Variants in PSG5 observed in about 807,000 individuals in gnomAD.
The protein encoded by PSG5 is pregnancy specific beta-1-glycoprotein 5, also known as pregnancy-specific beta-1-glycoprotein 5.
Under a neutral mutation model 37.7 loss-of-function variants are expected in PSG5, and 53 were observed. That is an observed-to-expected ratio of 1.41 (90% CI 1.13 to 1.77). The LOEUF (loss-of-function observed/expected upper bound fraction) is 1.77. PSG5 is among the 40% of genes most tolerant of loss of function. The pLI is 0.00. For missense variants in PSG5, 547 were observed against 405.2 expected, an observed-to-expected ratio of 1.35 and a Z score of -3.00; for synonymous variants, 221 against 155.4, an observed-to-expected ratio of 1.42 and a Z score of -3.14.
chr19:43,184,286 G>T (rs1969195634), intron 2 of PSG5, among the ~76,000 whole-genome samples: 2 of 151,702 alleles, frequency 1.3e-5, no homozygotes, highest in Admixed American at 6.6e-5. Context: ...TCCTCAGACA[G>T]CTGGTAAATT....
intron 2 of PSG5, chr19:43,179,224 A>G (rs11671948): frequency 0.23 from 341,277 of 1,471,310 alleles, 47,413 homozygotes; most frequent in Non-Finnish European, 0.26. Context: ...GCACTTTTCA[A>G]TCAGAGTTGG....
At chr19:43,179,881 T>C (rs1178616156) in intron 2 of PSG5, among the ~76,000 whole-genome samples, 3 of 151,764 alleles carry the variant, frequency 2.0e-5, no homozygotes, top group Admixed American at 6.6e-5. Context: ...CATTGTTCCC[T>C]GTTCTGGGTC....
At position 43,185,272 on chromosome 19, in the gene PSG5, A is replaced by C. The variant is rs138782419; in HGVS notation, c.65-125T>G. The stretch of plus-strand genomic sequence containing the variant: ...TGAAGACACACACACACACAAACAC[A>C]CACACACACAAAAGGTGCATGTTAG... On this transcript the variant is annotated intron_variant, in intron 1 of 5. Transcript: ENST00000342951. The C allele has an allele frequency of 3.7e-5, 47 of 1,272,760 alleles. 2 individuals are homozygous for C. The African/African-American group carries it at 5.7e-4, about 16-fold the overall frequency. 78.8% of individuals were successfully genotyped at this position (1,272,760 alleles called of 1,614,324 possible). A position where few individuals can be genotyped will look rare whatever the true frequency, so the allele number is the denominator to read the frequency against.
chr19:43,170,169 GA>G, intron 4 of PSG5, 31 bp from the exon 5 acceptor site: 3 of 1,543,696 alleles, frequency 1.9e-6, no homozygotes, highest in Non-Finnish European at 2.7e-6. Flanking sequence ...AAGAAGGAAT[GA>G]AGGTGATGTT....
intron 2 of PSG5, among the ~76,000 whole-genome samples, chr19:43,178,464 G>A (rs1969057483): frequency 6.6e-6 from 1 of 151,664 alleles, no homozygotes; most frequent in African/African-American, 2.4e-5. Context: ...GAAATGGTGG[G>A]GGCATCCAGG....
intron 2 of PSG5, among the ~76,000 whole-genome samples, chr19:43,183,089 T>C (rs28452578): frequency 0.012 from 1,768 of 150,906 alleles, 77 homozygotes; most frequent in African/African-American, 0.042. Context: ...GGGAGGAAGA[T>C]GAGGGACACA....
chr19:43,182,667 G>C (rs918287999), intron 2 of PSG5, among the ~76,000 whole-genome samples: 1 of 134,714 alleles, frequency 7.4e-6, no homozygotes, highest in Non-Finnish European at 1.6e-5. Context: ...ACTTGGAGTC[G>C]TTAAAATCTT....
At chr19:43,179,865 C>G (rs1019397455) in intron 2 of PSG5, among the ~76,000 whole-genome samples, 2 of 150,872 alleles carry the variant, frequency 1.3e-5, no homozygotes, top group Non-Finnish European at 3.0e-5. Context: ...AGCTTTGGAC[C>G]AAGACCATTG....
chr19:43,177,875 G>A (rs1427736341), intron 2 of PSG5, among the ~76,000 whole-genome samples: 4 of 151,466 alleles, frequency 2.6e-5, no homozygotes, highest in Non-Finnish European at 4.4e-5. Context: ...TCCATATATT[G>A]ATATCATCTT....
chr19:43,172,636 C>A (rs959497157), intron 4 of PSG5, among the ~76,000 whole-genome samples: 2 of 151,462 alleles, frequency 1.3e-5, no homozygotes, highest in African/African-American at 4.9e-5. Flanking sequence ...TTTATATTAA[C>A]ATCAAAAAGA....
chr19:43,169,907 G>T (rs1269413716), intron 5 of PSG5, 148 bp downstream of exon 5: 4 of 500,712 alleles, frequency 8.0e-6, no homozygotes, highest in Non-Finnish European at 1.5e-5. Flanking sequence ...AGGGAGAAAG[G>T]GAACTGCAGG....
Position 43,176,000 on chromosome 19 carries a change from T to G in PSG5, c.579A>C (p.Val193=). 1 of 1,611,482 alleles carries G rather than the reference T, an allele frequency of 6.2e-7. No individual in the cohort carries two copies. The highest frequency in any genetic ancestry group is 2.2e-5 in the East Asian group (1 of 44,874). Residue 193 remains valine, a synonymous_variant, in exon 3 of 6, where the codon GTA becomes GTC. Transcript: ENST00000342951. ...GGATCCTGTTTTCAATGGGTCGCTT[T>G]ACCCTGGGACTGACCGGGAGGCTCT... is the stretch of plus-strand genomic sequence containing the variant. ...NGQSLPVSPR[V]KRPIENRILI...
At chr19:43,175,809 G>A in intron 3 of PSG5, 61 bp downstream of exon 3, 1 of 1,602,344 alleles carries the variant, frequency 6.2e-7, no homozygotes, top group Non-Finnish European at 8.5e-7. Flanking sequence ...GAGAGGACTG[G>A]CTTGTGGTCA....
At chr19:43,185,889 C>G (rs1178418300) in intron 1 of PSG5, among the ~76,000 whole-genome samples, 2 of 86,664 alleles carry the variant, frequency 2.3e-5, no homozygotes, top group East Asian at 1.1e-3. Context: ...ATATGACTTT[C>G]CAGTTTTGAC....
chr19:43,173,235 T>C (rs1418253078), intron 4 of PSG5, among the ~76,000 whole-genome samples: 1 of 151,466 alleles, frequency 6.6e-6, no homozygotes, highest in Admixed American at 6.6e-5. Flanking sequence ...AGATCAAAGA[T>C]CTAAATGTAA....
At chr19:43,174,340 C>T (rs1375026624) in intron 4 of PSG5, 1 of 601,430 alleles carries the variant, frequency 1.7e-6, no homozygotes, top group Non-Finnish European at 2.1e-6. Context: ...AATGGTAAGT[C>T]TTATATTAGA....
At chr19:43,171,697 T>A (rs371576131) in intron 4 of PSG5, among the ~76,000 whole-genome samples, 1 of 151,442 alleles carries the variant, frequency 6.6e-6, no homozygotes, top group South Asian at 2.1e-4. Context: ...ACTCTGAGCA[T>A]GGTGGGTCAT....
intron 2 of PSG5, chr19:43,183,282 G>A (rs1969169304): frequency 2.7e-6 from 1 of 364,156 alleles, no homozygotes; most frequent in South Asian, 2.0e-5. Context: ...GAGGTAGTGG[G>A]GGGATGAAAC....
rs200847369 is a variant in PSG5, at chr19:43,175,324, C to G, written c.855G>C (p.Lys285Asn). 1 of 1,612,796 alleles carries G rather than the reference C, an allele frequency of 6.2e-7. No homozygotes were observed. Among genetic ancestry groups the G allele is most frequent in the Admixed American group, 1.7e-5 (1 of 59,924 alleles). Reference protein sequence around the residue: ...INGKFQQSGQKLSIPQITTKH... With the variant: ...INGKFQQSGQNLSIPQITTKH... Reference sequence around the variant, plus strand: ...TTGTAGTAATTTGGGGGATAGAGAGCTTTTGTCCTGATTGCTGAAACTTCC... The same window carrying G: ...TTGTAGTAATTTGGGGGATAGAGAGGTTTTGTCCTGATTGCTGAAACTTCC... The change falls in exon 4 of 6, where the codon AAG becomes AAC. Residue 285 changes from lysine to asparagine, a missense_variant. Transcript: ENST00000342951.
Sources: gnomAD v4.1 joint callset for allele counts (sites outside exome capture counted in the v4.1 genomes callset) on GRCh38, gnomAD v4.1.1 for gene constraint, MANE v1.5 for transcripts, NCBI Gene and HGNC (gene_info 2026-07-23, HGNC 2026-07-21) for gene names.